CHST11: variants seen among roughly 807,000 people sequenced by gnomAD.
The protein encoded by CHST11 is carbohydrate sulfotransferase 11.
A neutral mutation model predicts 30.4 loss-of-function variants in CHST11; 9 were observed. The ratio of observed to expected loss-of-function variants is 0.30; its 90% CI spans 0.18 to 0.52. The LOEUF (loss-of-function observed/expected upper bound fraction) is 0.52. Ranked by LOEUF, CHST11 falls within the 20% of genes least tolerant of loss-of-function variation. The probability of loss-of-function intolerance (pLI) is 0.97; values close to 1 mark genes in which losing one functional copy is unlikely to be tolerated. For missense variants in CHST11, 348 were observed against 460.6 expected (o/e 0.76, Z 2.24); for synonymous variants, 152 against 187.8 (o/e 0.81, Z 1.56).
chr12:104,532,639 G>A (rs2038196371), intron 1 of CHST11, among the ~76,000 whole-genome samples: 1 of 152,062 alleles, frequency 6.6e-6, no homozygotes, highest in South Asian at 2.1e-4. Flanking sequence ...TTTAAAAATA[G>A]CCAAAACAAG....
At chr12:104,513,123 T>TGGTGGGGGGGGGGGGGGGGGGGG (rs1555229062) in intron 1 of CHST11, among the ~76,000 whole-genome samples, 1 of 3,382 alleles carries the variant, frequency 3.0e-4, no homozygotes, top group Non-Finnish European at 7.0e-4. Context: ...ATGTCATGAC[T>TGGTGGGGGGGGGGGGGGGGGGGG]GGGGGGGGGG....
intron 2 of CHST11, among the ~76,000 whole-genome samples, chr12:104,652,832 C>T (rs759150298): frequency 2.9e-4 from 44 of 152,136 alleles, no homozygotes; most frequent in Non-Finnish European, 1.9e-4. Context: ...TTGCTCAGGA[C>T]AGTCTCATCC....
At chr12:104,752,580 T>TG (rs1266241812) in intron 2 of CHST11, among the ~76,000 whole-genome samples, 1 of 152,164 alleles carries the variant, frequency 6.6e-6, no homozygotes, top group African/African-American at 2.4e-5. Context: ...CAGGCTGGAG[T>TG]GCAGTGCCGC....
At chr12:104,512,685 A>T (rs895638717) in intron 1 of CHST11, among the ~76,000 whole-genome samples, 6 of 152,210 alleles carry the variant, frequency 3.9e-5, no homozygotes, top group Non-Finnish European at 8.8e-5. Flanking sequence ...AACAAGAAGG[A>T]GCATGATGAA....
At chr12:104,566,797 G>C (rs2038572010) in intron 1 of CHST11, among the ~76,000 whole-genome samples, 1 of 152,110 alleles carries the variant, frequency 6.6e-6, no homozygotes, top group Non-Finnish European at 1.5e-5. Flanking sequence ...GAGTACGGCA[G>C]ACATCACTAA....
chr12:104,619,037 G>A (rs59528613), intron 2 of CHST11, among the ~76,000 whole-genome samples: 4,986 of 152,290 alleles, frequency 0.033, 223 homozygotes, highest in South Asian at 0.12. Flanking sequence ...ATGCCTGCCC[G>A]CAGATGGGTG....
chr12:104,504,012 G>T (rs1006984700), intron 1 of CHST11, among the ~76,000 whole-genome samples: 1 of 152,224 alleles, frequency 6.6e-6, no homozygotes, highest in African/African-American at 2.4e-5. Context: ...TGCCTCAAAA[G>T]TTGGACGCAC....
At chr12:104,488,238 T>C (rs1452596324) in intron 1 of CHST11, among the ~76,000 whole-genome samples, 1 of 152,184 alleles carries the variant, frequency 6.6e-6, no homozygotes, top group East Asian at 1.9e-4. Flanking sequence ...GAGAAAGATG[T>C]TGCTGCCCAA....
chr12:104,677,674 C>G (rs989633467), intron 2 of CHST11, among the ~76,000 whole-genome samples: 20 of 152,178 alleles, frequency 1.3e-4, no homozygotes, highest in African/African-American at 4.8e-4. Context: ...AAATTTGGTC[C>G]ATTTGCAGAT....
intron 2 of CHST11, among the ~76,000 whole-genome samples, chr12:104,631,029 G>A (rs929079407): frequency 2.0e-5 from 3 of 152,186 alleles, no homozygotes; most frequent in Admixed American, 1.3e-4. Flanking sequence ...TCAGGAGGAG[G>A]CCCGCCTGGG....
At chr12:104,483,079 G>C (rs939365157) in intron 1 of CHST11, among the ~76,000 whole-genome samples, 2 of 152,046 alleles carry the variant, frequency 1.3e-5, no homozygotes, top group African/African-American at 4.8e-5. Flanking sequence ...ATGCCTCCTG[G>C]TGCAATATCT....
intron 2 of CHST11, among the ~76,000 whole-genome samples, chr12:104,734,517 C>T (rs2040283394): frequency 6.6e-6 from 1 of 152,184 alleles, no homozygotes; most frequent in South Asian, 2.1e-4. Flanking sequence ...GATCCGGACC[C>T]AAATGCCTGC....
chr12:104,494,471 G>A (rs2135969887), intron 1 of CHST11, among the ~76,000 whole-genome samples: 1 of 152,346 alleles, frequency 6.6e-6, no homozygotes, highest in South Asian at 2.1e-4. Context: ...GTGAGTTGGA[G>A]GCAGTTTCCC....
intron 1 of CHST11, among the ~76,000 whole-genome samples, chr12:104,544,757 TG>T (rs1316364613): frequency 4.8e-4 from 35 of 73,090 alleles, no homozygotes; most frequent in African/African-American, 1.4e-3. Flanking sequence ...TGATGTGCCC[TG>T]GGGGTCACAG....
At chr12:104,650,226 T>G (rs769141275) in intron 2 of CHST11, among the ~76,000 whole-genome samples, 1 of 152,186 alleles carries the variant, frequency 6.6e-6, no homozygotes, top group Admixed American at 6.5e-5. Flanking sequence ...AATGGAAAAG[T>G]GGACTTGATG....
chr12:104,620,772 C>T (rs969604851), intron 2 of CHST11, among the ~76,000 whole-genome samples: 4 of 152,088 alleles, frequency 2.6e-5, no homozygotes, highest in African/African-American at 9.7e-5. Flanking sequence ...TTGTGACTTT[C>T]TTTTCACTAA....
At chr12:104,722,770 AG>A in intron 2 of CHST11, among the ~76,000 whole-genome samples, 1 of 151,134 alleles carries the variant, frequency 6.6e-6, no homozygotes, top group East Asian at 1.9e-4. Flanking sequence ...ACCTGGGGGG[AG>A]GTGAGGGGAG....
intron 1 of CHST11, among the ~76,000 whole-genome samples, chr12:104,556,420 A>G (rs2038455956): frequency 6.6e-6 from 1 of 152,184 alleles, no homozygotes; most frequent in Non-Finnish European, 1.5e-5. Flanking sequence ...TCATTATCAT[A>G]AAGTGGGTTG....
intron 2 of CHST11, among the ~76,000 whole-genome samples, chr12:104,752,083 T>C (rs1392926346): frequency 3.3e-5 from 5 of 152,274 alleles, no homozygotes; most frequent in Non-Finnish European, 7.4e-5. Context: ...TCTCTCACAG[T>C]CCTGGAAGCC....
Sources: allele counts gnomAD v4.1 joint callset (sites outside exome capture counted in the v4.1 genomes callset), GRCh38; gene constraint gnomAD v4.1.1; transcripts MANE v1.5; gene names NCBI Gene and HGNC (gene_info 2026-07-23, HGNC 2026-07-21).